The following RARG variants were observed in gnomAD, a reference collection of about 807,000 sequenced individuals.
The protein encoded by RARG is RAR-gamma.
Under a neutral mutation model 43.7 loss-of-function variants are expected in RARG, and 17 were observed. That is an observed-to-expected ratio of 0.39 (90% CI 0.27 to 0.58). The LOEUF (loss-of-function observed/expected upper bound fraction) is 0.58, where lower values mean the gene tolerates loss of function less well. Ranked by LOEUF, RARG falls within the 20% of genes least tolerant of loss-of-function variation. The pLI is 0.57. For missense variants in RARG, 346 were observed against 598.7 expected (o/e 0.58, Z 4.40); for synonymous variants, 238 against 236.4 (o/e 1.01, Z -0.06).
In RARG at chr12:53,213,002, C is replaced by G; in HGVS notation, c.1177+83G>C. On this transcript the variant is annotated intron_variant, in intron 9 of 9. Transcript: ENST00000425354. This position sits in a 1 kb window ranked among gnomAD's most constrained non-coding sequence, Gnocchi z 4.7. The stretch of plus-strand genomic sequence containing the variant: ...TTGCCTGGTTCTCAACTACTCTGTT[C>G]TTGTCTCTGTGTGTCCTCCTGTCCG... 1.4e-6 allele frequency: 2 copies of G among 1,443,724 alleles called. No homozygotes were observed. The highest frequency in any genetic ancestry group is 1.9e-6 in the Non-Finnish European group (2 of 1,065,680). 89.4% of individuals were successfully genotyped at this position (1,443,724 alleles called of 1,614,324 possible). A position where few individuals can be genotyped will look rare whatever the true frequency, so the allele number is the denominator to read the frequency against.
intron 3 of RARG, among the ~76,000 whole-genome samples, chr12:53,218,784 C>A (rs562649378): frequency 2.0e-5 from 3 of 152,212 alleles, no homozygotes; most frequent in South Asian, 2.1e-4. Flanking sequence ...ACTCCCCCAG[C>A]GCCCGCCGCC....
At position 53,227,540 on chromosome 12, in the gene RARG, G is replaced by T. The variant is rs372321217; in HGVS notation, c.6C>A (p.Ala2=). The change falls in exon 3 of 10, where the codon GCC becomes GCA. Residue 2 remains alanine, a synonymous_variant. Coordinates refer to ENST00000425354, the MANE Select transcript of RARG (RefSeq NM_000966.6). This position sits in a 1 kb window ranked among gnomAD's most constrained non-coding sequence, Gnocchi z 4.3. M[A]TNKERLFAAG... is the part of the protein sequence containing the mutation. ...CCGCAAAGAGTCGCTCCTTATTGGT[G>T]GCCATGGCAGCTGCGGTGTGAGAGT... 3.2e-6 allele frequency: 5 copies of T among 1,575,172 alleles called. No individual in the cohort carries two copies. Among genetic ancestry groups the T allele is most frequent in the Non-Finnish European group, 4.3e-6 (5 of 1,161,096 alleles).
In RARG at chr12:53,218,039, G is replaced by C. The variant is rs11170482; in HGVS notation, c.185-2245C>G. On this transcript the variant is annotated intron_variant, in intron 3 of 9. Transcript: ENST00000425354. ...GGCACAGACACACAGCCAGAATAGA[G>C]ACACACTCACTCCAGCTACACCGTG... Among the ~76,000 whole-genome samples, 282 of 152,196 alleles carry C rather than the reference G, an allele frequency of 1.9e-3. 2 individuals are homozygous for C. In the East Asian group the frequency reaches 0.032, roughly 17 times the overall value.
intron 1 of RARG, 88 bp downstream of exon 1, chr12:53,231,886 T>C (rs1199271279): frequency 1.0e-5 from 4 of 392,520 alleles, no homozygotes; most frequent in Admixed American, 4.4e-5. Context: ...CATTCGCCCG[T>C]GCAGCTCCTC....
At position 53,227,812 on chromosome 12, in the gene RARG, A is replaced by G; in HGVS notation, c.-142-125T>C. 1 of 709,634 alleles carries G rather than the reference A, an allele frequency of 1.4e-6. No individual in the cohort carries two copies. The highest frequency in any genetic ancestry group is 1.9e-6 in the Non-Finnish European group (1 of 519,996). 44.0% of individuals were successfully genotyped at this position (709,634 alleles called of 1,614,324 possible). On this transcript the variant is annotated intron_variant, in intron 2 of 9. Coordinates refer to ENST00000425354, the MANE Select transcript of RARG (RefSeq NM_000966.6). This position sits in a 1 kb window ranked among gnomAD's most constrained non-coding sequence, Gnocchi z 4.3. ...GCTACAGTTTATCCTGCCCTGGCTC[A>G]GGGCCCTTGCAGTGTGGTAGAGAGG...
Position 53,214,061 on chromosome 12 carries a change from G to A in RARG, c.811C>T (p.Leu271=), listed in dbSNP as rs1942688004. ...AGGACCCACAGGGCCTAACTTACCA[G>A]GATATCTAGGCAGGCAGCTTTGAGC... ...TLLKAACLDI[L]MLRICTRYTP... The change falls in exon 7 of 10, where the codon CTG becomes TTG. Residue 271 remains leucine, a splice_region_variant and synonymous_variant. Coordinates refer to ENST00000425354, the MANE Select transcript of RARG (RefSeq NM_000966.6). 8.1e-6 allele frequency: 13 copies of A among 1,610,492 alleles called. No homozygotes were observed. The highest frequency in any genetic ancestry group is 8.5e-6 in the Non-Finnish European group (10 of 1,178,572).
At position 53,213,833 on chromosome 12, in the gene RARG, G is replaced by C. The variant is rs558289240; in HGVS notation, c.814-133C>G. 108 of 1,144,944 alleles carry C rather than the reference G, an allele frequency of 9.4e-5. No homozygotes were observed. The highest frequency in any genetic ancestry group is 1.2e-4 in the Non-Finnish European group (98 of 795,960). 70.9% of individuals were successfully genotyped at this position (1,144,944 alleles called of 1,614,324 possible). A position where few individuals can be genotyped will look rare whatever the true frequency, so the allele number is the denominator to read the frequency against. ...CAGGCATGGAGAAGGCAGAGGTGGAGGATCTGAGGCTTGGCAGGGGTAGTC... is the reference window on the plus strand; with the variant it reads ...CAGGCATGGAGAAGGCAGAGGTGGACGATCTGAGGCTTGGCAGGGGTAGTC... On this transcript the variant is annotated intron_variant, in intron 7 of 9. Coordinates refer to ENST00000425354, the MANE Select transcript of RARG (RefSeq NM_000966.6). The surrounding 1 kb of genome is among the most constrained non-coding windows in gnomAD (Gnocchi z 4.7).
intron 3 of RARG, among the ~76,000 whole-genome samples, chr12:53,218,611 A>G (rs944131294): frequency 3.9e-5 from 6 of 152,016 alleles, no homozygotes; most frequent in African/African-American, 1.2e-4. Context: ...AGTAAAGTCA[A>G]GTCCGGTCTC....
At chr12:53,219,375 A>G (rs1292776679) in intron 3 of RARG, among the ~76,000 whole-genome samples, 1 of 152,104 alleles carries the variant, frequency 6.6e-6, no homozygotes, top group Non-Finnish European at 1.5e-5. Flanking sequence ...ACTCTCGAAC[A>G]CAGCACTTTC....
At chr12:53,220,944 G>A (rs1942940300) in intron 3 of RARG, among the ~76,000 whole-genome samples, 1 of 151,524 alleles carries the variant, frequency 6.6e-6, no homozygotes, top group Admixed American at 6.6e-5. Context: ...CCCTCCGCGC[G>A]CCCGCTTCAG....
intron 3 of RARG, among the ~76,000 whole-genome samples, chr12:53,216,821 AGTGT>A (rs35354918): frequency 1.4e-5 from 2 of 144,228 alleles, no homozygotes; most frequent in Admixed American, 6.9e-5. Flanking sequence ...CTGCTGGGTA[AGTGT>A]GTGTGTGTGT....
At chr12:53,217,864 C>T (rs919692559) in intron 3 of RARG, among the ~76,000 whole-genome samples, 8 of 152,186 alleles carry the variant, frequency 5.3e-5, no homozygotes, top group Admixed American at 3.3e-4. Flanking sequence ...CGGCTGTAAA[C>T]GCTCCCAGCT....
intron 3 of RARG, among the ~76,000 whole-genome samples, chr12:53,224,496 C>G (rs1943061736): frequency 6.6e-6 from 1 of 152,122 alleles, no homozygotes; most frequent in African/African-American, 2.4e-5. Flanking sequence ...ATTTAAGCCT[C>G]TAAACCCTCT....
At chr12:53,216,839 TGTGCGCGCGCGCGCGCGCGCGC>T (rs755125900) in intron 3 of RARG, among the ~76,000 whole-genome samples, 12,333 of 146,770 alleles carry the variant, frequency 0.084, 726 homozygotes, top group African/African-American at 0.18. Flanking sequence ...TGTGTGTGTG[TGTGCGCGCGCGCGCGCGCGCGC>T]GTGTGGTTGG....
chr12:53,219,882 A>ACACACGGAAAGAGTAAATCCCAC, intron 3 of RARG: 1 of 1,358,962 alleles, frequency 7.4e-7, no homozygotes. Flanking sequence ...TCCACTCTTT[A>ACACACGGAAAGAGTAAATCCCAC]CACACGGAAA....
intron 3 of RARG, among the ~76,000 whole-genome samples, chr12:53,221,558 G>C (rs1048808372): frequency 7.9e-5 from 12 of 152,178 alleles, no homozygotes; most frequent in Non-Finnish European, 1.6e-4. Context: ...CTCCAAGGCC[G>C]CAACACTGTT....
chr12:53,225,277 G>A (rs895089461), intron 3 of RARG, among the ~76,000 whole-genome samples: 6 of 152,198 alleles, frequency 3.9e-5, no homozygotes, highest in Non-Finnish European at 7.3e-5. Flanking sequence ...GCCACCAGCA[G>A]GCTTCACCAA....
chr12:53,212,413 GT>G (rs909318378), intron 9 of RARG, among the ~76,000 whole-genome samples: 1 of 151,894 alleles, frequency 6.6e-6, no homozygotes, highest in Admixed American at 6.6e-5. Flanking sequence ...TATGTTACAG[GT>G]TTTTTTTGTT....
chr12:53,225,868 T>A (rs1943094873), intron 3 of RARG, among the ~76,000 whole-genome samples: 2 of 152,176 alleles, frequency 1.3e-5, no homozygotes, highest in Non-Finnish European at 2.9e-5. Flanking sequence ...CAAGTAGGGA[T>A]CTGCACAGCA....
Sources: allele counts gnomAD v4.1 joint callset (sites outside exome capture counted in the v4.1 genomes callset), GRCh38; gene constraint gnomAD v4.1.1; non-coding constraint Gnocchi (gnomAD v3.1); transcripts MANE v1.5; gene names NCBI Gene and HGNC (gene_info 2026-07-23, HGNC 2026-07-21).